SPTLC3: variants seen among roughly 807,000 people sequenced by gnomAD.
SPTLC3 encodes the protein serine palmitoyltransferase long chain base subunit 3, also known as serine palmitoyltransferase 3.
Under a neutral mutation model 59.3 loss-of-function variants are expected in SPTLC3, and 36 were observed. The ratio of observed to expected loss-of-function variants is 0.61; its 90% CI spans 0.47 to 0.80. The LOEUF (loss-of-function observed/expected upper bound fraction) is 0.80, where lower values mean the gene tolerates loss of function less well. SPTLC3 is among the 30% of genes least tolerant of loss of function. The probability of loss-of-function intolerance (pLI) is 0.00; values close to 1 mark genes in which losing one functional copy is unlikely to be tolerated. For missense variants in SPTLC3, 625 were observed against 685.1 expected (o/e 0.91, Z 0.98); for synonymous variants, 257 against 240.8 (o/e 1.07, Z -0.62).
intron 4 of SPTLC3, among the ~76,000 whole-genome samples, chr20:13,076,661 A>T (rs1006984824): frequency 5.9e-5 from 9 of 152,212 alleles, no homozygotes; most frequent in Non-Finnish European, 1.2e-4. Flanking sequence ...CATTAAAAGA[A>T]AAAGACTGAG....
At chr20:13,072,198 G>C in intron 2 of SPTLC3, 58 bp from the exon 3 acceptor site, 1 of 1,532,526 alleles carries the variant, frequency 6.5e-7, no homozygotes, top group Non-Finnish European at 8.8e-7. Flanking sequence ...TGCTTCAATT[G>C]TAAGTGAAAT....
rs1207202215 is a variant in SPTLC3 at position 13,091,111 on chromosome 20, G to A, written c.636G>A (p.Glu212=). Reference sequence around the variant, plus strand: ...CCTTGGATAAGCACAAGGAGTTGGAGGACCTTGTGGCTAAGTTCCTGAATG... The same window carrying A: ...CCTTGGATAAGCACAAGGAGTTGGAAGACCTTGTGGCTAAGTTCCTGAATG... The part of the protein sequence containing the change: ...MGTLDKHKEL[E]DLVAKFLNVE... The change falls in exon 5 of 12, where the codon GAG becomes GAA. Residue 212 remains glutamate (E), a synonymous_variant. Transcript: ENST00000399002. 1 of 1,613,998 alleles carries A rather than the reference G, an allele frequency of 6.2e-7. No homozygotes were observed. Among genetic ancestry groups the A allele is most frequent in the South Asian group, 1.1e-5 (1 of 91,078 alleles).
chr20:13,124,799 T>TGGGCAG (rs1450640946), intron 8 of SPTLC3, among the ~76,000 whole-genome samples: 1 of 152,130 alleles, frequency 6.6e-6, no homozygotes, highest in Non-Finnish European at 1.5e-5. Context: ...GGAAAAGTGA[T>TGGGCAG]GGGCAGGGAC....
rs61738160 is a variant in SPTLC3 at position 13,074,379 on chromosome 20, C to T, written c.489C>T (p.Ile163=). The change falls in exon 4 of 12, where the codon ATC becomes ATT. Residue 163 remains isoleucine, a synonymous_variant. Coordinates refer to ENST00000399002, the MANE Select transcript of SPTLC3 (RefSeq NM_018327.4). The part of the protein sequence containing the change: ...RFTGRVIKDV[I]NMGSYNFLGL... ...CTGGAAGAGTCATCAAAGATGTCAT[C>T]AACATGGGCTCCTATAACTTCCTTG... is the stretch of plus-strand genomic sequence containing the variant. 2.1e-4 allele frequency: 339 copies of T among 1,614,020 alleles called. 1 individual carries two copies. In the African/African-American group the frequency reaches 3.9e-3, roughly 19 times the overall value.
At chr20:13,074,279 C>A in intron 3 of SPTLC3, 70 bp from the exon 4 acceptor site, 1 of 1,578,800 alleles carries the variant, frequency 6.3e-7, no homozygotes, top group East Asian at 2.3e-5. Flanking sequence ...AAGTCTTCCA[C>A]CAGGGATTTT....
chr20:13,153,884 T>C (rs6033627), intron 9 of SPTLC3, 119 bp from the exon 10 acceptor site: 31,574 of 1,327,504 alleles, frequency 0.024, 531 homozygotes, highest in African/African-American at 0.081. Context: ...CCCTACTTCC[T>C]CCTCCCAGCT....
intron 1 of SPTLC3, among the ~76,000 whole-genome samples, chr20:13,036,857 G>A (rs1192709489): frequency 6.6e-6 from 1 of 152,062 alleles, no homozygotes; most frequent in Non-Finnish European, 1.5e-5. Flanking sequence ...ACTCTGATGG[G>A]AACTGACTGA....
intron 4 of SPTLC3, among the ~76,000 whole-genome samples, chr20:13,085,173 G>A (rs1056202817): frequency 6.6e-6 from 1 of 152,036 alleles, no homozygotes; most frequent in East Asian, 1.9e-4. Flanking sequence ...TGTATGCTTC[G>A]TAACTGTATG....
chr20:13,106,794 C>T (rs1029674523), intron 6 of SPTLC3, among the ~76,000 whole-genome samples: 2 of 152,170 alleles, frequency 1.3e-5, no homozygotes, highest in Non-Finnish European at 2.9e-5. Context: ...CTGTCACTAG[C>T]AGAAGCACAA....
intron 2 of SPTLC3, chr20:13,049,344 A>G: frequency 1.9e-6 from 1 of 525,372 alleles, no homozygotes; most frequent in South Asian, 2.0e-5. Flanking sequence ...TATTTGCCAC[A>G]TACCAAACTA....
At chr20:13,124,789 G>A (rs6041881) in intron 8 of SPTLC3, among the ~76,000 whole-genome samples, 111,971 of 152,008 alleles carry the variant, frequency 0.74, 41,367 homozygotes, top group South Asian at 0.77. Flanking sequence ...TAAGAGAGAT[G>A]GAAAAGTGAT....
At chr20:13,109,599 A>G (rs1323409550) in intron 6 of SPTLC3, among the ~76,000 whole-genome samples, 1 of 152,232 alleles carries the variant, frequency 6.6e-6, no homozygotes, top group Non-Finnish European at 1.5e-5. Context: ...TATTTTGAAA[A>G]AGAGGCTTAA....
intron 9 of SPTLC3, among the ~76,000 whole-genome samples, chr20:13,152,133 T>C (rs571542140): frequency 1.3e-5 from 2 of 152,342 alleles, no homozygotes; most frequent in Admixed American, 6.5e-5. Context: ...TCTAGGATTC[T>C]AGAATCCAAT....
chr20:13,053,593 A>G (rs917801047), intron 2 of SPTLC3, among the ~76,000 whole-genome samples: 9 of 152,080 alleles, frequency 5.9e-5, no homozygotes, highest in African/African-American at 2.2e-4. Context: ...AAACTCCTCC[A>G]AGCTAAAGAA....
At chr20:13,109,025 A>C (rs1053098605) in intron 6 of SPTLC3, among the ~76,000 whole-genome samples, 2 of 152,232 alleles carry the variant, frequency 1.3e-5, no homozygotes, top group Non-Finnish European at 2.9e-5. Context: ...AGTCTAAAAA[A>C]TATGCCCATA....
At chr20:13,116,565 G>T (rs1258422977) in intron 7 of SPTLC3, among the ~76,000 whole-genome samples, 1 of 152,110 alleles carries the variant, frequency 6.6e-6, no homozygotes, top group African/African-American at 2.4e-5. Flanking sequence ...ATGTACCAAA[G>T]CTTCCCAGGA....
In SPTLC3 at chr20:13,087,042, T is replaced by C. The variant is rs1989026778; in HGVS notation, c.608-4041T>C. ...GACTCCTGACTTCAAGTAATCCTCC[T>C]GCCTCGGCCTCCCAAAGTGCTGGGA... On this transcript the variant is annotated intron_variant, in intron 4 of 11. Transcript: ENST00000399002. Among the ~76,000 whole-genome samples the C allele has an allele frequency of 1.3e-5, 2 of 152,142 alleles. 1 individual carries two copies. The highest frequency in any genetic ancestry group is 2.9e-5 in the Non-Finnish European group (2 of 68,006).
intron 1 of SPTLC3, among the ~76,000 whole-genome samples, chr20:13,029,324 C>T (rs17226299): frequency 0.055 from 8,383 of 152,240 alleles, 272 homozygotes; most frequent in South Asian, 0.084. Context: ...GACATCAGTT[C>T]GCTTTTGTTA....
At chr20:13,018,847 T>C (rs1985703086) in intron 1 of SPTLC3, among the ~76,000 whole-genome samples, 1 of 152,212 alleles carries the variant, frequency 6.6e-6, no homozygotes, top group Non-Finnish European at 1.5e-5. Context: ...TTTACTGGAA[T>C]TCTAAGGTAT....
Sources: gnomAD v4.1 joint callset for allele counts (sites outside exome capture counted in the v4.1 genomes callset) on GRCh38, gnomAD v4.1.1 for gene constraint, MANE v1.5 for transcripts, NCBI Gene and HGNC (gene_info 2026-07-23, HGNC 2026-07-21) for gene names.